Variants in SNX29 observed in about 807,000 individuals in gnomAD.
The protein encoded by SNX29 is sorting nexin 29, also known as sorting nexin-29.
In SNX29, 78 loss-of-function variants were observed where a neutral mutation model predicts 102.1. The ratio of observed to expected loss-of-function variants is 0.76; its 90% CI spans 0.64 to 0.92. The LOEUF (loss-of-function observed/expected upper bound fraction) is 0.92. Among genes scored for constraint, SNX29 ranks in the 40% least tolerant of loss-of-function variants. SNX29 has a pLI of 0.00. For synonymous variants in SNX29, 580 were observed against 414.5 expected (o/e 1.40, Z -4.85); for missense variants, 1,280 against 1,061.7 (o/e 1.21, Z -2.86).
At chr16:12,545,095 C>T (rs1162619434) in intron 20 of SNX29, among the ~76,000 whole-genome samples, 3 of 152,242 alleles carry the variant, frequency 2.0e-5, no homozygotes, top group South Asian at 2.1e-4. Context: ...CCATCAGACC[C>T]AGGCTGCAGT....
chr16:12,549,961 A>G (rs772685083), intron 20 of SNX29, among the ~76,000 whole-genome samples: 29 of 152,250 alleles, frequency 1.9e-4, no homozygotes, highest in Non-Finnish European at 4.0e-4. Flanking sequence ...TTTTATTGGA[A>G]CATGCCCAGT....
chr16:12,568,641 C>A lies in SNX29; in HGVS notation c.*12C>A, dbSNP rs780187220. On this transcript the variant is annotated 3_prime_UTR_variant, in exon 21 of 21. Transcript: ENST00000566228. ...GCGGTGACCTCTGACCTCGACAAAA[C>A]CGCAGCCACGGGCCCTGTGCGTGGC... 5 of 1,601,074 alleles carry A rather than the reference C, an allele frequency of 3.1e-6. No homozygotes were observed. Among genetic ancestry groups the A allele is most frequent in the African/African-American group, 1.3e-5 (1 of 74,976 alleles).
chr16:12,538,836 A>T (rs1232369595), intron 20 of SNX29, among the ~76,000 whole-genome samples: 2 of 152,198 alleles, frequency 1.3e-5, no homozygotes, highest in African/African-American at 2.4e-5. Context: ...CTGCAAAGTC[A>T]CGTGGCAAAG....
At chr16:12,067,951 G>A (rs2051111424) in intron 9 of SNX29, among the ~76,000 whole-genome samples, 1 of 152,138 alleles carries the variant, frequency 6.6e-6, no homozygotes, top group Non-Finnish European at 1.5e-5. Flanking sequence ...ACTACTTATG[G>A]CCCCAGCTCT....
At chr16:12,496,391 A>G (rs1220766830) in intron 19 of SNX29, among the ~76,000 whole-genome samples, 1 of 150,920 alleles carries the variant, frequency 6.6e-6, no homozygotes, top group East Asian at 2.0e-4. Context: ...TCTTTATCTC[A>G]CGCTTCCTCG....
rs552560221 is a variant in SNX29 at position 12,504,803 on chromosome 16, C to T, written c.2179-19899C>T. On this transcript the variant is annotated intron_variant, in intron 19 of 20. Coordinates refer to ENST00000566228, the MANE Select transcript of SNX29 (RefSeq NM_032167.5). ...AAGATAGTATATATAAGGTTTGGTGCTATCCACAGTTTCGGACATCCCCTG... is the reference window on the plus strand; with the variant it reads ...AAGATAGTATATATAAGGTTTGGTGTTATCCACAGTTTCGGACATCCCCTG... Among the ~76,000 whole-genome samples the T allele has an allele frequency of 3.9e-5, 6 of 152,366 alleles. No homozygotes were observed. In the South Asian group the frequency reaches 1.2e-3, roughly 32 times the overall value.
chr16:12,548,396 C>G (rs1465745736), intron 20 of SNX29, among the ~76,000 whole-genome samples: 2 of 152,188 alleles, frequency 1.3e-5, no homozygotes, highest in African/African-American at 4.8e-5. Flanking sequence ...TCTAAGGTCT[C>G]CTTTGTAACC....
intron 15 of SNX29, among the ~76,000 whole-genome samples, chr16:12,311,566 G>A (rs2080548850): frequency 6.6e-6 from 1 of 152,234 alleles, no homozygotes; most frequent in African/African-American, 2.4e-5. Context: ...TCTTCCCAAG[G>A]CCGATGGCCC....
chr16:12,568,292 T>C (rs1391272546), intron 20 of SNX29, among the ~76,000 whole-genome samples: 1 of 118,620 alleles, frequency 8.4e-6, no homozygotes. Flanking sequence ...GGTTGGAGCC[T>C]CGGAGTGCTG....
chr16:12,243,254 T>C lies in SNX29; in HGVS notation c.1679-34679T>C, dbSNP rs967285072. ...ATGCCACTCTAGGGCGTATGCCAGA[T>C]ACTGGGTTAGGCTTCATGTGCTCCA... On this transcript the variant is annotated intron_variant, in intron 14 of 20. Coordinates refer to ENST00000566228, the MANE Select transcript of SNX29 (RefSeq NM_032167.5). Among the ~76,000 whole-genome samples the C allele has an allele frequency of 6.6e-5, 10 of 152,262 alleles. No homozygotes were observed. In the East Asian group the frequency reaches 1.7e-3, roughly 26 times the overall value.
At chr16:12,265,360 AT>A (rs1214309405) in intron 14 of SNX29, among the ~76,000 whole-genome samples, 1 of 152,136 alleles carries the variant, frequency 6.6e-6, no homozygotes, top group Non-Finnish European at 1.5e-5. Context: ...GAAGGGTGTG[AT>A]AACAGCTTTG....
At chr16:12,551,367 T>G (rs545016866) in intron 20 of SNX29, among the ~76,000 whole-genome samples, 3 of 152,328 alleles carry the variant, frequency 2.0e-5, no homozygotes, top group African/African-American at 7.2e-5. Flanking sequence ...GTCTTTCCAT[T>G]TGCAGAACTT....
At chr16:12,192,602 C>T (rs2076670635) in intron 13 of SNX29, among the ~76,000 whole-genome samples, 1 of 152,180 alleles carries the variant, frequency 6.6e-6, no homozygotes, top group South Asian at 2.1e-4. Context: ...GCCTGCAACT[C>T]CTGTGCTCAA....
At chr16:12,564,055 G>C (rs773537861) in intron 20 of SNX29, among the ~76,000 whole-genome samples, 1 of 106,860 alleles carries the variant, frequency 9.4e-6, no homozygotes, top group Non-Finnish European at 2.3e-5. Context: ...GTTGTGGTTT[G>C]GCAACGATGC....
chr16:12,391,573 A>G (rs1199260436), intron 16 of SNX29, among the ~76,000 whole-genome samples: 1 of 152,188 alleles, frequency 6.6e-6, no homozygotes, highest in African/African-American at 2.4e-5. Context: ...TACCATTAAC[A>G]TTTTGCTGTA....
chr16:12,155,095 T>C (rs2055483665), intron 13 of SNX29, among the ~76,000 whole-genome samples: 1 of 152,134 alleles, frequency 6.6e-6, no homozygotes, highest in African/African-American at 2.4e-5. Flanking sequence ...CTCTGCTGGA[T>C]GCCTTGTTCT....
intron 9 of SNX29, among the ~76,000 whole-genome samples, chr16:12,067,633 G>A (rs1210429088): frequency 6.6e-6 from 1 of 152,128 alleles, no homozygotes; most frequent in Non-Finnish European, 1.5e-5. Context: ...GATTACAGGC[G>A]TGCACTACCT....
At chr16:12,485,292 A>G (rs553585902) in intron 19 of SNX29, among the ~76,000 whole-genome samples, 37 of 152,284 alleles carry the variant, frequency 2.4e-4, no homozygotes, top group Non-Finnish European at 4.3e-4. Context: ...GCTTAGGTAA[A>G]GGACTCGTTT....
intron 18 of SNX29, among the ~76,000 whole-genome samples, chr16:12,453,051 C>T (rs550412835): frequency 6.6e-6 from 1 of 152,204 alleles, no homozygotes; most frequent in African/African-American, 2.4e-5. Context: ...CTGGGGCTGT[C>T]TCACTTGGTG....
Sources: allele counts gnomAD v4.1 joint callset (sites outside exome capture counted in the v4.1 genomes callset), GRCh38; gene constraint gnomAD v4.1.1; transcripts MANE v1.5; gene names NCBI Gene and HGNC (gene_info 2026-07-23, HGNC 2026-07-21).